Variants in ANKS1A observed in about 807,000 individuals in gnomAD.
ANKS1A encodes the protein ankyrin repeat and sterile alpha motif domain containing 1A.
Under a neutral mutation model 120.3 loss-of-function variants are expected in ANKS1A, and 55 were observed. The ratio of observed to expected loss-of-function variants is 0.46; its 90% CI spans 0.37 to 0.57. ANKS1A has a LOEUF of 0.57. Ranked by LOEUF, ANKS1A falls within the 20% of genes least tolerant of loss-of-function variation. ANKS1A has a pLI of 0.00. For synonymous variants in ANKS1A, 590 were observed against 604.7 expected (o/e 0.98, Z 0.36); for missense variants, 1,123 against 1,480.3 (o/e 0.76, Z 3.96).
rs948971304 is a variant in ANKS1A, at chr6:34,924,129, A to G, written c.197+34530A>G. Among the ~76,000 whole-genome samples the G allele has an allele frequency of 3.8e-3, 363 of 95,746 alleles. 2 individuals carry two copies. The highest frequency in any genetic ancestry group is 0.014 in the African/African-American group (310 of 22,758). The allele number at this position is 95,746 out of a possible 152,430, so 62.8% of individuals were successfully genotyped here. On this transcript the variant is annotated intron_variant, in intron 1 of 23. Coordinates refer to ENST00000360359, the MANE Select transcript of ANKS1A (RefSeq NM_015245.3). ...TGTGTGTGTGTGTGTGTGTGTGTGTATTTTTCTTTTCCCCTGTATTTGTGG... is the reference window on the plus strand; with the variant it reads ...TGTGTGTGTGTGTGTGTGTGTGTGTGTTTTTCTTTTCCCCTGTATTTGTGG...
chr6:34,923,742 T>G (rs554457382), intron 1 of ANKS1A, among the ~76,000 whole-genome samples: 3 of 152,328 alleles, frequency 2.0e-5, no homozygotes, highest in Admixed American at 6.5e-5. Context: ...GCTTCCTTCC[T>G]GTGAGACCAG....
chr6:34,929,050 G>A (rs1455691849), intron 1 of ANKS1A, among the ~76,000 whole-genome samples: 1 of 152,180 alleles, frequency 6.6e-6, no homozygotes, highest in African/African-American at 2.4e-5. Flanking sequence ...GGAAAAGTGA[G>A]CAGGTATATG....
chr6:35,014,992 G>A (rs926701309), intron 10 of ANKS1A, among the ~76,000 whole-genome samples: 5 of 152,220 alleles, frequency 3.3e-5, no homozygotes, highest in African/African-American at 1.2e-4. Flanking sequence ...CTGGCTGCCA[G>A]TTGTTATATG....
Position 35,084,015 on chromosome 6 carries a change from G to T in ANKS1A, c.2995-106G>T. ...GAAGATGAAGGGGGGTTTGCTTGAT[G>T]CTCTAGGCTGGGACAGAGAACAGTG... On this transcript the variant is annotated intron_variant, in intron 20 of 23. Transcript: ENST00000360359. The surrounding 1 kb of genome is among the most constrained non-coding windows in gnomAD (Gnocchi z 4.8). 6.6e-7 allele frequency: 1 copy of T among 1,514,692 alleles called. No homozygotes were observed. 93.8% of individuals were successfully genotyped at this position (1,514,692 alleles called of 1,614,324 possible). A position where few individuals can be genotyped will look rare whatever the true frequency, so the allele number is the denominator to read the frequency against.
intron 1 of ANKS1A, among the ~76,000 whole-genome samples, chr6:34,926,534 A>C (rs967445847): frequency 2.0e-5 from 3 of 152,190 alleles, no homozygotes; most frequent in African/African-American, 7.2e-5. Context: ...CTCATTGTAG[A>C]ATCCTTGACC....
At chr6:34,974,772 A>C (rs961636946) in intron 3 of ANKS1A, among the ~76,000 whole-genome samples, 15 of 152,218 alleles carry the variant, frequency 9.9e-5, no homozygotes, top group Admixed American at 2.0e-4. Context: ...GATAATATAT[A>C]TAAAGTAAAA....
intron 1 of ANKS1A, among the ~76,000 whole-genome samples, chr6:34,955,675 T>C (rs1267605005): frequency 6.6e-6 from 1 of 152,108 alleles, no homozygotes; most frequent in Non-Finnish European, 1.5e-5. Flanking sequence ...CTCGGTTTGC[T>C]CATTTGTTTG....
rs1037512068 is a variant in ANKS1A at position 34,982,092 on chromosome 6, C to T, written c.732+106C>T. 5.2e-6 allele frequency: 7 copies of T among 1,352,498 alleles called. No individual in the cohort carries two copies. In the East Asian group the frequency reaches 9.3e-5, roughly 18 times the overall value. The allele number at this position is 1,352,498 out of a possible 1,614,324, so 83.8% of individuals were successfully genotyped here. A position where few individuals can be genotyped will look rare whatever the true frequency, so the allele number is the denominator to read the frequency against. On this transcript the variant is annotated intron_variant, in intron 4 of 23. Transcript: ENST00000360359. This position sits in a 1 kb window ranked among gnomAD's most constrained non-coding sequence, Gnocchi z 4.9. ...TGTGCTCTTTATTTAGCACGTTTCA[C>T]ATCATGTTTCAAATGCTTATTTGCC...
chr6:34,892,947 A>G (rs191397123), intron 1 of ANKS1A, among the ~76,000 whole-genome samples: 251 of 152,192 alleles, frequency 1.6e-3, no homozygotes, highest in Non-Finnish European at 2.7e-3. Flanking sequence ...TATTTACTGG[A>G]TATTTATTCA....
At position 35,090,883 on chromosome 6, in the gene ANKS1A, T is replaced by A; in HGVS notation, c.*2274T>A. The A allele has an allele frequency of 1.0e-6, 1 of 985,808 alleles. No individual in the cohort carries two copies. The highest frequency in any genetic ancestry group is 1.2e-6 in the Non-Finnish European group (1 of 830,224). The allele number at this position is 985,808 out of a possible 1,614,324, so 61.1% of individuals were successfully genotyped here. A position where few individuals can be genotyped will look rare whatever the true frequency, so the allele number is the denominator to read the frequency against. On this transcript the variant is annotated 3_prime_UTR_variant, in exon 24 of 24. Transcript: ENST00000360359. ...CACCTCTTCTCCCCTGCCCACCAGC[T>A]GCTCAGCGCATAAGACCTTCCCGAC...
rs1774948930 is a variant in ANKS1A, at chr6:35,032,339, C to T, written c.2010+14280C>T. 3.3e-5 allele frequency among the ~76,000 whole-genome samples: 5 copies of T among 152,276 alleles called. 1 individual carries two copies. In the South Asian group the frequency reaches 1.0e-3, roughly 32 times the overall value. ...AAGTCTCTGTCTGCCATAAAACCTG[C>T]CCCCTTGCACTTTGAGCTTGACAGG... On this transcript the variant is annotated intron_variant, in intron 11 of 23. Coordinates refer to ENST00000360359, the MANE Select transcript of ANKS1A (RefSeq NM_015245.3).
rs146910742 is a variant in ANKS1A, at chr6:35,039,130, A to G, written c.2011-14969A>G. On this transcript the variant is annotated intron_variant, in intron 11 of 23. Transcript: ENST00000360359. ...ATGCATTTTTATCATGTGTAAGTTCATGTGATCACCACCACAATCAACATG... is the reference window on the plus strand; with the variant it reads ...ATGCATTTTTATCATGTGTAAGTTCGTGTGATCACCACCACAATCAACATG... Among the ~76,000 whole-genome samples the G allele has an allele frequency of 5.5e-3, 812 of 148,524 alleles. 2 individuals are homozygous for G. Among genetic ancestry groups the G allele is most frequent in the African/African-American group, 0.016 (630 of 40,278 alleles).
At chr6:35,063,347 A>G (rs1194392305) in intron 13 of ANKS1A, among the ~76,000 whole-genome samples, 2 of 152,256 alleles carry the variant, frequency 1.3e-5, no homozygotes, top group African/African-American at 4.8e-5. Context: ...GAAGGAAGGT[A>G]ATTGGTGGTT....
Position 34,889,610 on chromosome 6 carries a change from G to A in ANKS1A, c.197+11G>A. ...CTCCAGTCTGCTCAGGTGGGTACGC[G>A]CCAGGGCCGGGCCGCTGCCTGCAGA... On this transcript the variant is annotated intron_variant, in intron 1 of 23. Coordinates refer to ENST00000360359, the MANE Select transcript of ANKS1A (RefSeq NM_015245.3). This position sits in a 1 kb window ranked among gnomAD's most constrained non-coding sequence, Gnocchi z 5.5. The A allele has an allele frequency of 7.8e-7, 1 of 1,286,622 alleles. No homozygotes were observed. The highest frequency in any genetic ancestry group is 3.3e-5 in the South Asian group (1 of 30,110). The allele number at this position is 1,286,622 out of a possible 1,614,324, so 79.7% of individuals were successfully genotyped here. A position where few individuals can be genotyped will look rare whatever the true frequency, so the allele number is the denominator to read the frequency against.
At chr6:34,976,377 C>T (rs564596207) in intron 3 of ANKS1A, among the ~76,000 whole-genome samples, 2 of 152,138 alleles carry the variant, frequency 1.3e-5, no homozygotes, top group African/African-American at 2.4e-5. Context: ...TTCAACAAGT[C>T]GGTGTAAACC....
At chr6:35,072,476 C>T (rs917486925) in intron 13 of ANKS1A, among the ~76,000 whole-genome samples, 12 of 152,252 alleles carry the variant, frequency 7.9e-5, no homozygotes, top group Admixed American at 1.3e-4. Context: ...CACCCAGCCA[C>T]GATCATGGGC....
intron 1 of ANKS1A, among the ~76,000 whole-genome samples, chr6:34,935,587 C>T (rs571846111): frequency 1.3e-5 from 2 of 152,058 alleles, no homozygotes; most frequent in South Asian, 4.2e-4. Context: ...TTAGTTGTTT[C>T]CCATCTTTAA....
chr6:34,961,264 G>A (rs1245079462), intron 1 of ANKS1A, among the ~76,000 whole-genome samples: 2 of 152,192 alleles, frequency 1.3e-5, no homozygotes, highest in Non-Finnish European at 2.9e-5. Flanking sequence ...GACCTAGATT[G>A]TAAGTAACTC....
intron 13 of ANKS1A, among the ~76,000 whole-genome samples, chr6:35,069,140 C>T (rs1465579774): frequency 6.6e-6 from 1 of 152,162 alleles, no homozygotes; most frequent in Non-Finnish European, 1.5e-5. Context: ...GGTTCAAGGT[C>T]GGTAAGCCCT....
Sources: allele counts gnomAD v4.1 joint callset (sites outside exome capture counted in the v4.1 genomes callset), GRCh38; gene constraint gnomAD v4.1.1; non-coding constraint Gnocchi (gnomAD v3.1); transcripts MANE v1.5; gene names NCBI Gene and HGNC (gene_info 2026-07-23, HGNC 2026-07-21).